SPACA1: variants seen among roughly 807,000 people sequenced by gnomAD.
The protein encoded by SPACA1 is sperm acrosome associated 1.
Under a neutral mutation model 32.6 loss-of-function variants are expected in SPACA1, and 17 were observed. The observed-to-expected ratio is 0.52, with a 90% CI of 0.36 to 0.78. SPACA1 has a LOEUF of 0.78. Ranked by LOEUF, SPACA1 falls within the 30% of genes least tolerant of loss-of-function variation. SPACA1 has a pLI of 0.01. For synonymous variants in SPACA1, 140 were observed against 138.1 expected, an observed-to-expected ratio of 1.01 and a Z score of -0.10; for missense variants, 363 against 373.4, an observed-to-expected ratio of 0.97 and a Z score of 0.23.
intron 6 of SPACA1, 60 bp from the exon 7 acceptor site, chr6:88,066,122 A>T: frequency 3.6e-6 from 5 of 1,385,608 alleles, no homozygotes; most frequent in Non-Finnish European, 4.9e-6. Context: ...AAATATAGAA[A>T]TCTATTCAGT....
chr6:88,065,743 T>A (rs1290188384), intron 6 of SPACA1, among the ~76,000 whole-genome samples: 1 of 151,162 alleles, frequency 6.6e-6, no homozygotes, highest in Non-Finnish European at 1.5e-5. Flanking sequence ...GCCTTCCGAT[T>A]TTTTTTCCTG....
rs71554769 is a variant in SPACA1 at position 88,061,432 on chromosome 6, GCACACACA to G, written c.610+1865_610+1872del. Among the ~76,000 whole-genome samples, 341 of 150,142 alleles carry G rather than the reference GCACACACA, an allele frequency of 2.3e-3. 3 individuals carry two copies. Among genetic ancestry groups the G allele is most frequent in the African/African-American group, 7.4e-3 (303 of 40,842 alleles). ...GAGGAATATTTGGGCATGCTTGTGC[GCACACACA>G]CACACACACACACACACACAAACAC... On this transcript the variant is annotated intron_variant, in intron 5 of 6. Transcript: ENST00000237201.
In SPACA1 at chr6:88,066,562, G is replaced by A. The variant is rs1397342570; in HGVS notation, c.*227G>A. ...ACACTTATTTCAGGTAATAGCTTGG[G>A]GATATTTATCTAAAGGTACCCCCAA... On this transcript the variant is annotated 3_prime_UTR_variant, in exon 7 of 7. Coordinates refer to ENST00000237201, the MANE Select transcript of SPACA1 (RefSeq NM_030960.3). The A allele has an allele frequency of 1.4e-5, 4 of 286,186 alleles. No individual in the cohort carries two copies. The highest frequency in any genetic ancestry group is 6.5e-5 in the African/African-American group (3 of 45,850). 17.7% of individuals were successfully genotyped at this position (286,186 alleles called of 1,614,324 possible). A position where few individuals can be genotyped will look rare whatever the true frequency, so the allele number is the denominator to read the frequency against.
At chr6:88,052,565 G>C (rs1010424141) in intron 1 of SPACA1, among the ~76,000 whole-genome samples, 3 of 152,130 alleles carry the variant, frequency 2.0e-5, no homozygotes, top group Non-Finnish European at 4.4e-5. Context: ...GGCTGGGCAC[G>C]GTGGCTTATT....
intron 2 of SPACA1, among the ~76,000 whole-genome samples, chr6:88,054,688 G>A (rs10944340): frequency 0.2 from 29,821 of 151,916 alleles, 3,271 homozygotes; most frequent in Middle Eastern, 0.3. Flanking sequence ...AGGGAAAACG[G>A]GACAATTATC....
At chr6:88,066,126 A>G (rs912892783) in intron 6 of SPACA1, 56 bp from the exon 7 acceptor site, 30 of 1,417,376 alleles carry the variant, frequency 2.1e-5, no homozygotes, top group Non-Finnish European at 2.7e-5. Context: ...ATAGAAATCT[A>G]TTCAGTTTTA....
chr6:88,052,941 AT>A (rs1775751874), intron 1 of SPACA1, among the ~76,000 whole-genome samples: 1 of 152,240 alleles, frequency 6.6e-6, no homozygotes, highest in African/African-American at 2.4e-5. Flanking sequence ...GGAAAAAAAC[AT>A]TAAATTAATA....
chr6:88,064,631 G>A (rs1314193335), intron 6 of SPACA1, among the ~76,000 whole-genome samples: 1 of 151,548 alleles, frequency 6.6e-6, no homozygotes, highest in Non-Finnish European at 1.5e-5. Flanking sequence ...AAGTCTGAGG[G>A]CTCATATACT....
chr6:88,054,512 T>C (rs1026809993), intron 2 of SPACA1, among the ~76,000 whole-genome samples: 4 of 152,188 alleles, frequency 2.6e-5, no homozygotes, highest in African/African-American at 9.7e-5. Context: ...AAATTGGACA[T>C]AAAATTTCTC....
At chr6:88,052,829 T>C (rs1186095312) in intron 1 of SPACA1, among the ~76,000 whole-genome samples, 2 of 152,048 alleles carry the variant, frequency 1.3e-5, no homozygotes, top group African/African-American at 4.8e-5. Context: ...AGAGCAAGAC[T>C]CTCTCGGAAA....
chr6:88,053,429 GT>G, intron 1 of SPACA1, among the ~76,000 whole-genome samples: 1 of 152,248 alleles, frequency 6.6e-6, no homozygotes, highest in Non-Finnish European at 1.5e-5. Flanking sequence ...TACTAACCTT[GT>G]AAAGTGTTGA....
intron 5 of SPACA1, among the ~76,000 whole-genome samples, chr6:88,060,756 G>T (rs116179975): frequency 1.3e-5 from 2 of 152,302 alleles, no homozygotes; most frequent in African/African-American, 4.8e-5. Context: ...TGATATTAAA[G>T]GTGTGTGGAG....
intron 3 of SPACA1, among the ~76,000 whole-genome samples, chr6:88,058,162 T>C (rs927056361): frequency 6.6e-6 from 1 of 152,170 alleles, no homozygotes; most frequent in African/African-American, 2.4e-5. Flanking sequence ...GATCTCATAG[T>C]TTAGTCTAAC....
chr6:88,047,681 G>T (rs1775659077), upstream of SPACA1: 1 of 515,440 alleles, frequency 1.9e-6, no homozygotes, highest in Admixed American at 3.3e-5. Context: ...TGTCGCACGC[G>T]GCTTCTCGTC....
At chr6:88,059,929 A>G (rs1350225514) in intron 5 of SPACA1, among the ~76,000 whole-genome samples, 3 of 152,236 alleles carry the variant, frequency 2.0e-5, no homozygotes, top group South Asian at 2.1e-4. Context: ...AACTTGAATT[A>G]TATTCTTGCT....
In SPACA1 at chr6:88,059,684, T is replaced by A. The variant is rs1052760832; in HGVS notation, c.610+96T>A. Reference sequence around the variant, plus strand: ...TTGTTAAAACACCAGTCTCTAGCCCTCCCCCCAGAGTTTCTGATTCAGTAG... The same window carrying A: ...TTGTTAAAACACCAGTCTCTAGCCCACCCCCCAGAGTTTCTGATTCAGTAG... On this transcript the variant is annotated intron_variant, in intron 5 of 6. Coordinates refer to ENST00000237201, the MANE Select transcript of SPACA1 (RefSeq NM_030960.3). 4.1e-6 allele frequency: 5 copies of A among 1,209,124 alleles called. No individual in the cohort carries two copies. The African/African-American group carries it at 7.8e-5, about 19-fold the overall frequency. The allele number at this position is 1,209,124 out of a possible 1,614,324, so 74.9% of individuals were successfully genotyped here.
At chr6:88,064,968 G>A (rs964637220) in intron 6 of SPACA1, among the ~76,000 whole-genome samples, 19 of 147,956 alleles carry the variant, frequency 1.3e-4, no homozygotes, top group Non-Finnish European at 4.5e-5. Flanking sequence ...TCATATCTAA[G>A]AAGTGTCTTT....
intron 5 of SPACA1, among the ~76,000 whole-genome samples, chr6:88,061,086 A>C (rs1775890488): frequency 6.6e-6 from 1 of 152,230 alleles, no homozygotes; most frequent in African/African-American, 2.4e-5. Context: ...CCTTTGGCTG[A>C]TTAGAAATCA....
upstream of SPACA1, chr6:88,047,685 T>G: frequency 3.8e-6 from 2 of 521,264 alleles, no homozygotes; most frequent in Non-Finnish European, 6.7e-6. Flanking sequence ...GCACGCGGCT[T>G]CTCGTCGCGT....
Sources: allele counts gnomAD v4.1 joint callset (sites outside exome capture counted in the v4.1 genomes callset), GRCh38; gene constraint gnomAD v4.1.1; transcripts MANE v1.5; gene names NCBI Gene and HGNC (gene_info 2026-07-23, HGNC 2026-07-21).